The following POU2F2 variants were observed in gnomAD, a reference collection of about 807,000 sequenced individuals.
POU2F2 encodes the protein POU domain, class 2, transcription factor 2.
POU2F2 carries 14 observed loss-of-function variants against 63.5 expected under a neutral mutation model. The observed-to-expected ratio is 0.22, with a 90% CI of 0.15 to 0.34. POU2F2 has a LOEUF of 0.34. Among genes scored for constraint, POU2F2 ranks in the 10% least tolerant of loss-of-function variants. The pLI is 1.00. For missense variants in POU2F2, 607 were observed against 815.2 expected, an observed-to-expected ratio of 0.74 and a Z score of 3.11; for synonymous variants, 306 against 348.6, an observed-to-expected ratio of 0.88 and a Z score of 1.36.
In POU2F2 at chr19:42,092,117, T is replaced by C; in HGVS notation, c.1418A>G (p.Gln473Arg). 2 of 1,583,184 alleles carry C rather than the reference T, an allele frequency of 1.3e-6. No individual in the cohort carries two copies. The highest frequency in any genetic ancestry group is 1.7e-4 in the Middle Eastern group (1 of 5,892). Residue 473 changes from glutamine (Q) to arginine (R), a missense_variant, in exon 13 of 15, where the codon CAA becomes CGA. Gln to Arg is a conservative substitution (Grantham distance 43). This residue lies in a region of POU2F2 where 270 missense variants were observed against 307.5 expected (regional missense o/e 0.88). Coordinates refer to ENST00000692977, the MANE Select transcript of POU2F2 (RefSeq NM_001394376.1). This position sits in a 1 kb window ranked among gnomAD's most constrained non-coding sequence, Gnocchi z 5.0. ...CAAGCCGATAGCCGAGTGGCTGCCT[T>C]GAGGGCTGGGGTTTGTGCTGTTGGT... ...ATTNSTNPSP[Q>R]GSHSAIGLSG...
chr19:42,091,293 A>G lies in POU2F2; in HGVS notation c.1839T>C (p.Gly613=). 1.3e-6 allele frequency: 2 copies of G among 1,532,644 alleles called. No individual in the cohort carries two copies. Among genetic ancestry groups the G allele is most frequent in the Non-Finnish European group, 1.7e-6 (2 of 1,146,426 alleles). 94.9% of individuals were successfully genotyped at this position (1,532,644 alleles called of 1,614,324 possible). A position where few individuals can be genotyped will look rare whatever the true frequency, so the allele number is the denominator to read the frequency against. ...CSETAAQTPG[G]PGGPEAGSKP... ...TGGACCCTGCCTCGGGCCCCCCTGG[A>G]CCTCCAGGGGTCTGTGCTGCCGTCT... Residue 613 remains glycine (G), a synonymous_variant, in exon 15 of 15, where the codon GGT becomes GGC. Transcript: ENST00000692977.
upstream of POU2F2, among the ~76,000 whole-genome samples, chr19:42,177,936 T>G (rs915462598): frequency 1.4e-5 from 2 of 141,832 alleles, no homozygotes; most frequent in South Asian, 2.3e-4. Flanking sequence ...CAGAAACAAA[T>G]AGACACGGGG....
At chr19:42,100,874 C>T (rs567980951) in intron 5 of POU2F2, among the ~76,000 whole-genome samples, 3 of 152,206 alleles carry the variant, frequency 2.0e-5, no homozygotes, top group South Asian at 4.2e-4. Flanking sequence ...CCGAGCCAGG[C>T]GGATCACGAG....
chr19:42,114,328 A>G (rs2031555299), intron 5 of POU2F2, among the ~76,000 whole-genome samples: 1 of 152,128 alleles, frequency 6.6e-6, no homozygotes, highest in Non-Finnish European at 1.5e-5. Flanking sequence ...GAGCAGATTC[A>G]GGCACGGCTG....
rs1485975659 is a variant in POU2F2, at chr19:42,162,092, G to A, written c.-69-1700C>T. ...GTGGGCGAGGGAATCCCCAGGCCTCGGGGGGGCCAGAGTCAGACAGCGCCT... is the reference window on the plus strand; with the variant it reads ...GTGGGCGAGGGAATCCCCAGGCCTCAGGGGGGCCAGAGTCAGACAGCGCCT... On this transcript the variant is annotated intron_variant, in intron 1 of 6. Transcript: ENST00000524801. This position sits in a 1 kb window ranked among gnomAD's most constrained non-coding sequence, Gnocchi z 4.1. Among the ~76,000 whole-genome samples the A allele has an allele frequency of 2.6e-5, 4 of 152,002 alleles. No individual in the cohort carries two copies. The highest frequency in any genetic ancestry group is 2.1e-4 in the South Asian group (1 of 4,824).
chr19:42,173,742 G>A (rs560930039), intron 1 of POU2F2, among the ~76,000 whole-genome samples: 17 of 152,102 alleles, frequency 1.1e-4, no homozygotes, highest in Non-Finnish European at 1.9e-4. Context: ...AGGGAAGTGA[G>A]CGCAACCAAG....
intron 7 of POU2F2, 196 bp downstream of exon 7, chr19:42,099,331 C>T (rs1377807359): frequency 8.5e-6 from 5 of 585,110 alleles, no homozygotes; most frequent in Non-Finnish European, 1.5e-5. Context: ...TCTGGGCCAG[C>T]TCCCCTCATT....
At chr19:42,172,900 G>T (rs372663487) in intron 1 of POU2F2, among the ~76,000 whole-genome samples, 1 of 152,184 alleles carries the variant, frequency 6.6e-6, no homozygotes, top group Non-Finnish European at 1.5e-5. Flanking sequence ...AGGAAATGGC[G>T]CTGGGACAGC....
chr19:42,115,316 C>A (rs1170403892), intron 5 of POU2F2, among the ~76,000 whole-genome samples: 1 of 152,076 alleles, frequency 6.6e-6, no homozygotes, highest in South Asian at 2.1e-4. Context: ...ATGGAACGGG[C>A]CATTATTGGG....
Position 42,086,715 on chromosome 19 carries a change from G to T in POU2F2, c.*4542C>A, listed in dbSNP as rs991457005. The T allele has an allele frequency of 2.0e-5, 3 of 152,070 alleles. No individual in the cohort carries two copies. The highest frequency in any genetic ancestry group is 7.2e-5 in the African/African-American group (3 of 41,380). 9.4% of individuals were successfully genotyped at this position (152,070 alleles called of 1,614,324 possible). ...TACGAGTTGCCGAGAGAGGCCCCCA[G>T]TCACCCTGCAATTATATAAATAAAT... On this transcript the variant is annotated 3_prime_UTR_variant, in exon 15 of 15. Transcript: ENST00000692977.
At chr19:42,132,314 A>G in intron 1 of POU2F2, 70 bp downstream of exon 1, 1 of 1,517,564 alleles carries the variant, frequency 6.6e-7, no homozygotes, top group Non-Finnish European at 9.0e-7. Context: ...AGGGGCAGGC[A>G]GGGCCCGCAG....
Position 42,117,712 on chromosome 19 carries a change from G to A in POU2F2, c.187-280C>T, listed in dbSNP as rs1431520351. 6.6e-6 allele frequency among the ~76,000 whole-genome samples: 1 copy of A among 151,948 alleles called. No homozygotes were observed. Among genetic ancestry groups the A allele is most frequent in the East Asian group, 1.9e-4 (1 of 5,174 alleles). On this transcript the variant is annotated intron_variant, in intron 4 of 14. Transcript: ENST00000692977. The surrounding 1 kb of genome is among the most constrained non-coding windows in gnomAD (Gnocchi z 4.4). ...TGGAAAAGAGTGGCTGGGCACGGTG[G>A]CTCATACCTGTAACCCTAGCACTTT...
chr19:42,129,876 C>T (rs2033548796), intron 1 of POU2F2, among the ~76,000 whole-genome samples: 1 of 152,232 alleles, frequency 6.6e-6, no homozygotes, highest in African/African-American at 2.4e-5. Flanking sequence ...TGACAGCAGG[C>T]AAGAGCTGCC....
chr19:42,114,423 A>G (rs2031576885), intron 5 of POU2F2, among the ~76,000 whole-genome samples: 1 of 152,132 alleles, frequency 6.6e-6, no homozygotes, highest in African/African-American at 2.4e-5. Flanking sequence ...AGGTAAAGGA[A>G]GGGAGCAGAC....
intron 4 of POU2F2, among the ~76,000 whole-genome samples, chr19:42,118,105 T>A (rs189716569): frequency 1.3e-5 from 2 of 152,128 alleles, no homozygotes; most frequent in Non-Finnish European, 2.9e-5. Context: ...TAAATTTTTC[T>A]GTAGAGACAG....
At chr19:42,123,407 G>A (rs1239443452) in intron 1 of POU2F2, among the ~76,000 whole-genome samples, 1 of 152,110 alleles carries the variant, frequency 6.6e-6, no homozygotes, top group Non-Finnish European at 1.5e-5. Context: ...ATAAACCCAC[G>A]GAGACAAATG....
Position 42,106,004 on chromosome 19 carries a change from T to TTTCTTTCC in POU2F2, c.370-6184_370-6183insGGAAAGAA, listed in dbSNP as rs2029867769. 5.6e-5 allele frequency among the ~76,000 whole-genome samples: 5 copies of TTTCTTTCC among 89,200 alleles called. No homozygotes were observed. In the South Asian group the frequency reaches 1.9e-3, roughly 34 times the overall value. The allele number at this position is 89,200 out of a possible 152,430, so 58.5% of individuals were successfully genotyped here. A position where few individuals can be genotyped will look rare whatever the true frequency, so the allele number is the denominator to read the frequency against. On this transcript the variant is annotated intron_variant, in intron 5 of 14. Coordinates refer to ENST00000692977, the MANE Select transcript of POU2F2 (RefSeq NM_001394376.1). ...TGATATATAGGATCTTTCTTTTTTC[T>TTTCTTTCC]TTCTTTCTTTCTTTCTTTCTTTCTT...
intron 1 of POU2F2, among the ~76,000 whole-genome samples, chr19:42,184,156 A>G (rs1293926111): frequency 6.6e-6 from 1 of 151,916 alleles, no homozygotes; most frequent in Non-Finnish European, 1.5e-5. Flanking sequence ...ACAACCTGCT[A>G]ATTTTTGTAT....
upstream of POU2F2, among the ~76,000 whole-genome samples, chr19:42,178,799 G>A (rs2034926983): frequency 6.6e-6 from 1 of 151,992 alleles, no homozygotes; most frequent in Non-Finnish European, 1.5e-5. Context: ...GAGAAACAGA[G>A]ATCAAGACAT....
Sources: gnomAD v4.1 joint callset for allele counts (sites outside exome capture counted in the v4.1 genomes callset) on GRCh38, gnomAD v4.1.1 for gene constraint, gnomAD v4.1.1 regional missense constraint, Gnocchi (gnomAD v3.1) non-coding constraint, MANE v1.5 for transcripts, NCBI Gene and HGNC (gene_info 2026-07-23, HGNC 2026-07-21) for gene names.